Variants in SEC63 observed in about 807,000 individuals in gnomAD.
The protein encoded by SEC63 is SEC63 protein translocation regulator.
In SEC63, 56 loss-of-function variants were observed where a neutral mutation model predicts 116.2. The ratio of observed to expected loss-of-function variants is 0.48; its 90% CI spans 0.39 to 0.60. The LOEUF is 0.60. SEC63 is among the 20% of genes least tolerant of loss of function. The pLI, the probability that SEC63 is intolerant of heterozygous loss-of-function variation, is 0.00. For missense variants in SEC63, 668 were observed against 900.0 expected (o/e 0.74, Z 3.30); for synonymous variants, 273 against 294.6 (o/e 0.93, Z 0.75).
intron 13 of SEC63, among the ~76,000 whole-genome samples, chr6:107,898,051 G>C (rs929006278): frequency 6.6e-6 from 1 of 152,108 alleles, no homozygotes; most frequent in Non-Finnish European, 1.5e-5. Flanking sequence ...GATGGCATGA[G>C]CTCAGGAATT....
intron 4 of SEC63, among the ~76,000 whole-genome samples, chr6:107,916,903 C>T (rs1787418458): frequency 6.6e-6 from 1 of 152,194 alleles, no homozygotes; most frequent in African/African-American, 2.4e-5. Context: ...TCAAATTGGG[C>T]AAATTACTAA....
intron 17 of SEC63, among the ~76,000 whole-genome samples, chr6:107,882,249 T>G (rs1424381475): frequency 6.6e-6 from 1 of 152,192 alleles, no homozygotes; most frequent in Non-Finnish European, 1.5e-5. Context: ...AGGCAATCCC[T>G]TTTTATCTCC....
chr6:107,885,528 C>T (rs1786508128), intron 16 of SEC63, among the ~76,000 whole-genome samples: 1 of 152,196 alleles, frequency 6.6e-6, no homozygotes, highest in African/African-American at 2.4e-5. Flanking sequence ...AGATAAACCA[C>T]AATCATGAAT....
At position 107,869,467 on chromosome 6, in the gene SEC63, C is replaced by T. The variant is rs1369666953; in HGVS notation, c.*2237G>A. On this transcript the variant is annotated 3_prime_UTR_variant, in exon 21 of 21. Transcript: ENST00000369002. Reference sequence around the variant, plus strand: ...GATCTATAGGCTCATCAATTGTTGACAAAATGTCAGTTTCTTTATAGGAAG... The same window carrying T: ...GATCTATAGGCTCATCAATTGTTGATAAAATGTCAGTTTCTTTATAGGAAG... 6.6e-6 allele frequency: 1 copy of T among 152,132 alleles called. No individual in the cohort carries two copies. Among genetic ancestry groups the T allele is most frequent in the Non-Finnish European group, 1.5e-5 (1 of 68,034 alleles). The allele number at this position is 152,132 out of a possible 1,614,324, so 9.4% of individuals were successfully genotyped here.
Position 107,897,675 on chromosome 6 carries a change from C to T in SEC63, c.1414G>A (p.Val472Ile), listed in dbSNP as rs762057889. The T allele has an allele frequency of 1.3e-5, 21 of 1,608,944 alleles. No homozygotes were observed. The highest frequency in any genetic ancestry group is 1.5e-5 in the Non-Finnish European group (18 of 1,175,576). ...GCCATTGTTTGCCTTGTCAACTTAA[C>T]CAACACTGTAACTAAGGATCCTACT... ...ITVGSLVTVL[V>I]KLTRQTMAEV... is the part of the protein sequence containing the mutation. Residue 472 changes from valine (V) to isoleucine (I), a missense_variant, in exon 14 of 21, where the codon GTT (valine) becomes ATT (isoleucine). Coordinates refer to ENST00000369002, the MANE Select transcript of SEC63 (RefSeq NM_007214.5).
chr6:107,874,441 A>T lies in SEC63; in HGVS notation c.2035-1529T>A, dbSNP rs190096566. On this transcript the variant is annotated intron_variant, in intron 19 of 20. Coordinates refer to ENST00000369002, the MANE Select transcript of SEC63 (RefSeq NM_007214.5). ...AACCCCGTCTCTACTAAAAAAATAT[A>T]AAAAATTAGCTGGGTGCAGTGGCGG... 8.6e-3 allele frequency among the ~76,000 whole-genome samples: 1,302 copies of T among 152,098 alleles called. 15 individuals are homozygous for T. The highest frequency in any genetic ancestry group is 0.012 in the Non-Finnish European group (789 of 67,976).
chr6:107,942,224 G>A (rs1272388359), intron 1 of SEC63, among the ~76,000 whole-genome samples: 1 of 152,236 alleles, frequency 6.6e-6, no homozygotes, highest in East Asian at 1.9e-4. Flanking sequence ...AGGTTTAAGA[G>A]CTTTAACACT....
At chr6:107,877,254 G>A (rs1009413260) in intron 18 of SEC63, 4 of 152,238 alleles carry the variant, frequency 2.6e-5, no homozygotes, top group African/African-American at 9.7e-5. Flanking sequence ...TAAGAGTTGG[G>A]TAGGGAAGTA....
chr6:107,876,063 A>AT (rs1562312070), intron 19 of SEC63, among the ~76,000 whole-genome samples: 9 of 152,186 alleles, frequency 5.9e-5, no homozygotes, highest in East Asian at 1.9e-4. Context: ...AAACACACAC[A>AT]CAAAAAAAAC....
At chr6:107,902,013 T>C (rs1324280932) in intron 12 of SEC63, among the ~76,000 whole-genome samples, 1 of 152,132 alleles carries the variant, frequency 6.6e-6, no homozygotes, top group Non-Finnish European at 1.5e-5. Flanking sequence ...TAGCTATTAC[T>C]ACAGTAATAT....
intron 17 of SEC63, 102 bp from the exon 18 acceptor site, chr6:107,881,352 A>G: frequency 1.3e-6 from 1 of 784,086 alleles, no homozygotes; most frequent in Non-Finnish European, 2.2e-6. Flanking sequence ...ACTACTTAGG[A>G]TTAGAACAAG....
At chr6:107,917,605 C>T (rs1396628633) in intron 4 of SEC63, among the ~76,000 whole-genome samples, 2 of 152,182 alleles carry the variant, frequency 1.3e-5, no homozygotes, top group Non-Finnish European at 2.9e-5. Flanking sequence ...AGCAACAGCG[C>T]TTAAAGGAAC....
rs1786088631 is a variant in SEC63 at position 107,869,840 on chromosome 6, A to G, written c.*1864T>C. 6.6e-6 allele frequency: 1 copy of G among 151,226 alleles called. No homozygotes were observed. Among genetic ancestry groups the G allele is most frequent in the African/African-American group, 2.4e-5 (1 of 41,106 alleles). The allele number at this position is 151,226 out of a possible 1,614,324, so 9.4% of individuals were successfully genotyped here. Reference sequence around the variant, plus strand: ...GTTATCATCCTCTCCAGAATCTTAAAACCAGAGAAGCCAGCTGTGTGAATG... The same window carrying G: ...GTTATCATCCTCTCCAGAATCTTAAGACCAGAGAAGCCAGCTGTGTGAATG... On this transcript the variant is annotated 3_prime_UTR_variant, in exon 21 of 21. Transcript: ENST00000369002.
chr6:107,956,358 A>G (rs1770711243), intron 1 of SEC63, among the ~76,000 whole-genome samples: 1 of 152,232 alleles, frequency 6.6e-6, no homozygotes, highest in South Asian at 2.1e-4. Flanking sequence ...AACTTGAAAT[A>G]CAACAACCAC....
At chr6:107,901,294 A>T in intron 13 of SEC63, 76 bp downstream of exon 13, 9 of 1,394,618 alleles carry the variant, frequency 6.5e-6, no homozygotes, top group Non-Finnish European at 9.2e-6. Context: ...CAGTGTTTTG[A>T]GAATCCTGAG....
intron 13 of SEC63, among the ~76,000 whole-genome samples, chr6:107,900,140 CATAT>C (rs1315270395): frequency 2.6e-5 from 4 of 152,080 alleles, no homozygotes; most frequent in Admixed American, 1.3e-4. Context: ...TAACACTTAG[CATAT>C]GTTATCTTGG....
intron 14 of SEC63, among the ~76,000 whole-genome samples, chr6:107,894,347 T>C (rs577737978): frequency 2.0e-5 from 3 of 152,200 alleles, no homozygotes; most frequent in Non-Finnish European, 4.4e-5. Flanking sequence ...TCAGTGATAC[T>C]GCTTATTGGA....
intron 4 of SEC63, among the ~76,000 whole-genome samples, chr6:107,918,166 A>G (rs1383193628): frequency 2.0e-5 from 3 of 152,120 alleles, no homozygotes; most frequent in Admixed American, 1.3e-4. Context: ...CTCTATAAAT[A>G]GAACAACAAA....
Position 107,870,089 on chromosome 6 carries a change from T to G in SEC63, c.*1615A>C, listed in dbSNP as rs1786094615. 5 of 152,270 alleles carry G rather than the reference T, an allele frequency of 3.3e-5. No individual in the cohort carries two copies. Among genetic ancestry groups the G allele is most frequent in the Admixed American group, 3.3e-4 (5 of 15,256 alleles). 9.4% of individuals were successfully genotyped at this position (152,270 alleles called of 1,614,324 possible). On this transcript the variant is annotated 3_prime_UTR_variant, in exon 21 of 21. Coordinates refer to ENST00000369002, the MANE Select transcript of SEC63 (RefSeq NM_007214.5). ...CACACTTAGGTAATCAGTAGCTGCC[T>G]CAAGACACTGGTGCTTCACAGCAGA...
Sources: allele counts gnomAD v4.1 joint callset (sites outside exome capture counted in the v4.1 genomes callset), GRCh38; gene constraint gnomAD v4.1.1; transcripts MANE v1.5; gene names NCBI Gene and HGNC (gene_info 2026-07-23, HGNC 2026-07-21).